BPIFA3: variants seen among roughly 807,000 people sequenced by gnomAD.
BPIFA3 encodes the protein BPI fold-containing family A member 3.
BPIFA3 carries 32 observed loss-of-function variants against 29.7 expected under a neutral mutation model. That is an observed-to-expected ratio of 1.08 (90% CI 0.81 to 1.45). BPIFA3 has a LOEUF of 1.45. Among genes scored for constraint, BPIFA3 ranks in the 40% most tolerant of loss-of-function variants. The pLI is 0.00. For synonymous variants in BPIFA3, 112 were observed against 113.7 expected, an observed-to-expected ratio of 0.98 and a Z score of 0.10; for missense variants, 323 against 311.3, an observed-to-expected ratio of 1.04 and a Z score of -0.28.
intron 6 of BPIFA3, 73 bp from the exon 7 acceptor site, chr20:33,227,465 T>C: frequency 7.8e-7 from 1 of 1,280,680 alleles, no homozygotes; most frequent in Non-Finnish European, 1.1e-6. Context: ...CATGGATGGA[T>C]GAGGGTTTCC....
rs754230263 is a variant in BPIFA3, at chr20:33,223,883, A to C, written c.200A>C (p.Asn67Thr). 1 of 1,614,214 alleles carries C rather than the reference A, an allele frequency of 6.2e-7. No homozygotes were observed. ...AACATCCACTTTGGGGACAGACTGA[A>C]TGCCTCAGCACAAGTGGCCCCAGGG... ...IQNIHFGDRL[N>T]ASAQVAPGLV... Residue 67 changes from asparagine to threonine, a missense_variant, in exon 2 of 7, where the codon AAT (asparagine) becomes ACT (threonine). Asn to Thr is a moderately conservative substitution (Grantham distance 65). Transcript: ENST00000375454.
intron 6 of BPIFA3, 80 bp from the exon 7 acceptor site, chr20:33,227,458 G>A: frequency 8.3e-7 from 1 of 1,211,026 alleles, no homozygotes. Flanking sequence ...TGGTCACCAT[G>A]GATGGATGAG....
chr20:33,221,537 G>A (rs1473712371), intron 1 of BPIFA3, among the ~76,000 whole-genome samples: 1 of 152,138 alleles, frequency 6.6e-6, no homozygotes, highest in Admixed American at 6.5e-5. Flanking sequence ...TTCTTTTCTT[G>A]GTACTGTCCT....
intron 1 of BPIFA3, among the ~76,000 whole-genome samples, chr20:33,221,404 G>A (rs988315852): frequency 4.6e-5 from 7 of 152,192 alleles, no homozygotes; most frequent in Non-Finnish European, 7.3e-5. Context: ...TGATCCGCCC[G>A]CCTTGGCCTC....
Position 33,227,764 on chromosome 20 carries a change from G to A in BPIFA3, c.*147G>A, listed in dbSNP as rs745559893. ...AACTCTAGCTCTGAAGGGTGCACAG[G>A]TCCCTCCCACCTGGGCCCTGGGGTT... On this transcript the variant is annotated 3_prime_UTR_variant, in exon 7 of 7. Transcript: ENST00000375454. 164 of 648,744 alleles carry A rather than the reference G, an allele frequency of 2.5e-4. No individual in the cohort carries two copies. Among genetic ancestry groups the A allele is most frequent in the Admixed American group, 2.1e-4 (8 of 37,396 alleles). 40.2% of individuals were successfully genotyped at this position (648,744 alleles called of 1,614,324 possible).
chr20:33,217,588 C>T lies in BPIFA3; in HGVS notation c.52C>T (p.Pro18Ser). The T allele has an allele frequency of 6.2e-7, 1 of 1,614,184 alleles. No homozygotes were observed. Among genetic ancestry groups the T allele is most frequent in the African/African-American group, 1.3e-5 (1 of 75,056 alleles). Residue 18 changes from proline (P) to serine (S), a missense_variant, in exon 1 of 7, where the codon CCC becomes TCC. By Grantham distance (74) the Pro-to-Ser change is moderately conservative. Transcript: ENST00000375454. ...LLIFLGLLAL[P>S]LAPHKQPWPG... ...CATCTTCCTCGGGTTGCTGGCCTTG[C>T]CCTTGGCACCACACAAGCAGCCTTG... is the stretch of plus-strand genomic sequence containing the variant.
At chr20:33,226,745 G>C (rs1985797857) in intron 5 of BPIFA3, 185 bp from the exon 6 acceptor site, 2 of 672,060 alleles carry the variant, frequency 3.0e-6, no homozygotes, top group African/African-American at 3.6e-5. Flanking sequence ...AGGATTTGTG[G>C]AGACAAAGCG....
chr20:33,217,704 G>T lies in BPIFA3; in HGVS notation c.127+41G>T, dbSNP rs779042016. 8 of 1,583,460 alleles carry T rather than the reference G, an allele frequency of 5.1e-6. No homozygotes were observed. In the African/African-American group the frequency reaches 9.5e-5, roughly 19 times the overall value. On this transcript the variant is annotated intron_variant, in intron 1 of 6. Coordinates refer to ENST00000375454, the MANE Select transcript of BPIFA3 (RefSeq NM_178466.5). ...GGCTCTGCCTGCTGCCTACGGGGCT[G>T]GGGAGGTGGGAAGGTGCCATCTGGG...
chr20:33,226,913 C>G lies in BPIFA3; in HGVS notation c.622-17C>G. The G allele has an allele frequency of 3.7e-6, 6 of 1,614,144 alleles. No individual in the cohort carries two copies. The highest frequency in any genetic ancestry group is 5.1e-6 in the Non-Finnish European group (6 of 1,179,986). On this transcript the variant is annotated splice_polypyrimidine_tract_variant and intron_variant, in intron 5 of 6. Coordinates refer to ENST00000375454, the MANE Select transcript of BPIFA3 (RefSeq NM_178466.5). ...CCAGCCCCTGGCCTGATCCTTCTCT[C>G]TGTGCTGATGGTCCAGGTATGTCCT...
intron 2 of BPIFA3, 45 bp from the exon 3 acceptor site, chr20:33,224,310 T>C: frequency 1.3e-6 from 2 of 1,515,944 alleles, no homozygotes; most frequent in Non-Finnish European, 1.8e-6. Context: ...TTACCTGTTC[T>C]GAAGTCCCTC....
chr20:33,217,331 G>T (rs1010550905), upstream of BPIFA3: 1 of 537,866 alleles, frequency 1.9e-6, no homozygotes, highest in Non-Finnish European at 3.1e-6. Flanking sequence ...CTCCTCCCAG[G>T]GTTCCACATG....
chr20:33,226,915 GT>G lies in BPIFA3; in HGVS notation c.622-14del, dbSNP rs1421407750. 1 of 1,613,994 alleles carries G rather than the reference GT, an allele frequency of 6.2e-7. No homozygotes were observed. Among genetic ancestry groups the G allele is most frequent in the Non-Finnish European group, 8.5e-7 (1 of 1,179,992 alleles). On this transcript the variant is annotated splice_polypyrimidine_tract_variant and intron_variant, in intron 5 of 6. Coordinates refer to ENST00000375454, the MANE Select transcript of BPIFA3 (RefSeq NM_178466.5). ...AGCCCCTGGCCTGATCCTTCTCTCT[GT>G]GCTGATGGTCCAGGTATGTCCTCTG...
intron 1 of BPIFA3, among the ~76,000 whole-genome samples, chr20:33,218,890 A>C (rs1372195397): frequency 6.6e-6 from 1 of 151,716 alleles, no homozygotes; most frequent in East Asian, 1.9e-4. Context: ...TGAGCATCTT[A>C]TACTTTTGTT....
intron 5 of BPIFA3, 133 bp downstream of exon 5, chr20:33,226,623 G>T (rs1032437329): frequency 2.7e-6 from 2 of 749,910 alleles, no homozygotes; most frequent in Non-Finnish European, 2.2e-6. Flanking sequence ...TAAAATTTCA[G>T]TTTGGCCATG....
At chr20:33,224,248 C>T (rs1242876001) in intron 2 of BPIFA3, 107 bp from the exon 3 acceptor site, 2 of 958,758 alleles carry the variant, frequency 2.1e-6, no homozygotes, top group Non-Finnish European at 3.2e-6. Context: ...GTCCAAATCC[C>T]ATTGCCAGGC....
At chr20:33,225,326 C>A (rs1985734762) in intron 4 of BPIFA3, 79 bp downstream of exon 4, 4 of 1,590,088 alleles carry the variant, frequency 2.5e-6, no homozygotes, top group African/African-American at 2.7e-5. Flanking sequence ...TCCTGACCGT[C>A]TCCTAAATTA....
chr20:33,218,893 CT>C (rs1364268374), intron 1 of BPIFA3, among the ~76,000 whole-genome samples: 7 of 151,772 alleles, frequency 4.6e-5, no homozygotes, highest in Admixed American at 1.3e-4. Flanking sequence ...GCATCTTATA[CT>C]TTTGTTAACC....
At chr20:33,217,779 C>T (rs1433503424) in intron 1 of BPIFA3, 116 bp downstream of exon 1, 1 of 1,304,548 alleles carries the variant, frequency 7.7e-7, no homozygotes, top group African/African-American at 1.5e-5. Context: ...TTTCCCTCTT[C>T]TCTTTTTCTT....
intron 1 of BPIFA3, among the ~76,000 whole-genome samples, chr20:33,223,268 G>A (rs747049558): frequency 1.3e-5 from 2 of 152,126 alleles, no homozygotes; most frequent in African/African-American, 4.8e-5. Flanking sequence ...TACACTACGA[G>A]GTTCATCAGA....
Sources: allele counts gnomAD v4.1 joint callset (sites outside exome capture counted in the v4.1 genomes callset), GRCh38; gene constraint gnomAD v4.1.1; transcripts MANE v1.5; gene names NCBI Gene and HGNC (gene_info 2026-07-23, HGNC 2026-07-21).